NBEA: variants seen among roughly 807,000 people sequenced by gnomAD.
NBEA encodes neurobeachin.
In NBEA, 44 loss-of-function variants were observed where a neutral mutation model predicts 343.4. The observed-to-expected ratio is 0.13, with a 90% CI of 0.10 to 0.16. The LOEUF (loss-of-function observed/expected upper bound fraction) is 0.16, where lower values mean the gene tolerates loss of function less well. Among genes scored for constraint, NBEA ranks in the 10% least tolerant of loss-of-function variants. The pLI is 1.00. For synonymous variants in NBEA, 1,175 were observed against 1,238.7 expected (o/e 0.95, Z 1.08); for missense variants, 2,555 against 3,631.3 (o/e 0.70, Z 7.62).
At chr13:35,536,694 C>T (rs2078569332) in intron 41 of NBEA, among the ~76,000 whole-genome samples, 2 of 150,722 alleles carry the variant, frequency 1.3e-5, no homozygotes, top group Admixed American at 1.3e-4. Flanking sequence ...ACAGTCAGTC[C>T]TGGATTCTGG....
At chr13:35,515,387 C>A (rs1007876412) in intron 41 of NBEA, among the ~76,000 whole-genome samples, 1 of 152,162 alleles carries the variant, frequency 6.6e-6, no homozygotes, top group Admixed American at 6.5e-5. Flanking sequence ...ACTTTTTAGC[C>A]ACCTCCCTTT....
intron 34 of NBEA, 56 bp downstream of exon 34, chr13:35,232,675 G>T: frequency 1.6e-6 from 2 of 1,249,372 alleles, no homozygotes. Context: ...TATTAATCAT[G>T]GCATAATTTG....
intron 46 of NBEA, among the ~76,000 whole-genome samples, chr13:35,585,187 T>C (rs2153039335): frequency 7.0e-6 from 1 of 143,540 alleles, no homozygotes; most frequent in East Asian, 2.1e-4. Context: ...TTCCCATCTC[T>C]CTCCCTGCAC....
intron 34 of NBEA, among the ~76,000 whole-genome samples, chr13:35,240,673 A>C (rs2030097907): frequency 6.6e-6 from 1 of 151,874 alleles, no homozygotes; most frequent in Non-Finnish European, 1.5e-5. Flanking sequence ...AATTTCAAAA[A>C]TCACCAAAAC....
At chr13:35,309,273 T>C (rs187641718) in intron 35 of NBEA, among the ~76,000 whole-genome samples, 201 of 152,232 alleles carry the variant, frequency 1.3e-3, no homozygotes, top group African/African-American at 4.7e-3. Context: ...GAGCCCCTTA[T>C]ACCTGCAGTC....
At position 35,192,248 on chromosome 13, in the gene NBEA, C is replaced by T. The variant is rs374724085; in HGVS notation, c.4928-3616C>T. Among the ~76,000 whole-genome samples, 27 of 152,034 alleles carry T rather than the reference C, an allele frequency of 1.8e-4. No individual in the cohort carries two copies. In the East Asian group the frequency reaches 2.1e-3, roughly 12 times the overall value. On this transcript the variant is annotated intron_variant, in intron 30 of 58. Transcript: ENST00000379939. ...TTAAATCCTCAAAGTACTTTAGTGT[C>T]ACAAAGAGGTATTCTGGAAACACGA...
chr13:35,648,118 T>C, intron 51 of NBEA, among the ~76,000 whole-genome samples: 1 of 150,654 alleles, frequency 6.6e-6, no homozygotes, highest in Non-Finnish European at 1.5e-5. Flanking sequence ...GGACCCTCAG[T>C]CTCCCAAAGC....
intron 49 of NBEA, among the ~76,000 whole-genome samples, chr13:35,644,874 G>T (rs1226467145): frequency 6.6e-6 from 1 of 152,194 alleles, no homozygotes; most frequent in East Asian, 1.9e-4. Context: ...TCACACTTGT[G>T]AGTAGACACC....
At chr13:35,511,651 G>A (rs2077280063) in intron 41 of NBEA, among the ~76,000 whole-genome samples, 1 of 152,066 alleles carries the variant, frequency 6.6e-6, no homozygotes, top group South Asian at 2.1e-4. Flanking sequence ...AGTTAGCAAA[G>A]ATAGTCAAAT....
intron 34 of NBEA, among the ~76,000 whole-genome samples, chr13:35,240,962 A>T (rs1340921478): frequency 6.6e-6 from 1 of 151,846 alleles, no homozygotes; most frequent in Non-Finnish European, 1.5e-5. Flanking sequence ...TCTGGAGAAG[A>T]TATAAAAATT....
At chr13:35,386,887 C>T (rs2042267635) in intron 38 of NBEA, among the ~76,000 whole-genome samples, 1 of 152,034 alleles carries the variant, frequency 6.6e-6, no homozygotes, top group African/African-American at 2.4e-5. Flanking sequence ...TAAATCAAAA[C>T]GAGAGGTTTT....
intron 39 of NBEA, among the ~76,000 whole-genome samples, chr13:35,438,633 T>A (rs1240888358): frequency 1.3e-5 from 2 of 152,200 alleles, no homozygotes; most frequent in African/African-American, 4.8e-5. Flanking sequence ...TTATTTGAAA[T>A]GAAATAGGTA....
At chr13:35,069,879 G>T in intron 8 of NBEA, 29 bp from the exon 9 acceptor site, 1 of 1,463,808 alleles carries the variant, frequency 6.8e-7, no homozygotes, top group East Asian at 2.4e-5. Flanking sequence ...CTTTTAAAAA[G>T]AGTGTTTACC....
chr13:35,172,293 G>C (rs1241870941), intron 26 of NBEA, among the ~76,000 whole-genome samples: 2 of 151,922 alleles, frequency 1.3e-5, no homozygotes, highest in Non-Finnish European at 2.9e-5. Flanking sequence ...TTTAAAGACA[G>C]GCAAGCTGAG....
intron 36 of NBEA, among the ~76,000 whole-genome samples, chr13:35,342,640 T>C (rs1394319459): frequency 6.6e-6 from 1 of 152,040 alleles, no homozygotes; most frequent in Non-Finnish European, 1.5e-5. Flanking sequence ...GGGCAATAGC[T>C]TGTAAGTTAG....
In NBEA at chr13:35,272,357, A is replaced by G. The variant is rs552239182; in HGVS notation, c.5777-18032A>G. Among the ~76,000 whole-genome samples, 4 of 152,330 alleles carry G rather than the reference A, an allele frequency of 2.6e-5. No homozygotes were observed. In the East Asian group the frequency reaches 7.7e-4, roughly 29 times the overall value. On this transcript the variant is annotated intron_variant, in intron 34 of 58. Coordinates refer to ENST00000379939, the MANE Select transcript of NBEA (RefSeq NM_001385012.1). ...TCCTACAAGAGCTCCTGAAAGAAGC[A>G]CTAAACTTGGAAAGGAACAACCGGT...
intron 45 of NBEA, among the ~76,000 whole-genome samples, chr13:35,574,294 T>TAAAA: frequency 7.4e-6 from 1 of 135,100 alleles, no homozygotes; most frequent in Non-Finnish European, 1.5e-5. Flanking sequence ...GGATATTCTT[T>TAAAA]AAAAAAAAAA....
chr13:35,439,112 A>AG (rs2045596579), intron 39 of NBEA, among the ~76,000 whole-genome samples: 2 of 152,216 alleles, frequency 1.3e-5, no homozygotes, highest in Admixed American at 1.3e-4. Context: ...CAACAGGGGC[A>AG]GGGGTAGGAG....
chr13:35,195,617 G>A (rs1290121118), intron 30 of NBEA, among the ~76,000 whole-genome samples: 3 of 151,774 alleles, frequency 2.0e-5, no homozygotes, highest in South Asian at 2.1e-4. Context: ...GGCTGGTCTC[G>A]AACTCCTGAC....
Sources: gnomAD v4.1 joint callset for allele counts (sites outside exome capture counted in the v4.1 genomes callset) on GRCh38, gnomAD v4.1.1 for gene constraint, MANE v1.5 for transcripts, NCBI Gene and HGNC (gene_info 2026-07-23, HGNC 2026-07-21) for gene names.